The following TRHDE variants were observed in gnomAD, a reference collection of about 807,000 sequenced individuals.
TRHDE encodes thyrotropin releasing hormone degrading enzyme.
A neutral mutation model predicts 125.7 loss-of-function variants in TRHDE; 72 were observed. The observed-to-expected ratio is 0.57, with a 90% CI of 0.47 to 0.70. The LOEUF (loss-of-function observed/expected upper bound fraction) is 0.70. Ranked by LOEUF, TRHDE falls within the 30% of genes least tolerant of loss-of-function variation. The pLI is 0.00. For missense variants in TRHDE, 1,110 were observed against 1,327.1 expected (o/e 0.84, Z 2.54); for synonymous variants, 509 against 509.1 (o/e 1.00, Z 0.00).
intron 2 of TRHDE, among the ~76,000 whole-genome samples, chr12:72,327,979 T>G (rs1869416850): frequency 6.6e-6 from 1 of 152,198 alleles, no homozygotes; most frequent in South Asian, 2.1e-4. Flanking sequence ...TGTCATTGCT[T>G]GGCTTTTGTC....
intron 12 of TRHDE, among the ~76,000 whole-genome samples, chr12:72,599,014 TA>T (rs1872097710): frequency 6.6e-6 from 1 of 152,162 alleles, no homozygotes. Flanking sequence ...TTAATTCACT[TA>T]AAATAATGGC....
intron 2 of TRHDE, among the ~76,000 whole-genome samples, chr12:72,238,276 A>ATG (rs1878377253): frequency 3.6e-4 from 2 of 5,584 alleles, no homozygotes; most frequent in African/African-American, 2.0e-3. Context: ...CAGATCCTTA[A>ATG]TATATATATA....
intron 2 of TRHDE, among the ~76,000 whole-genome samples, chr12:72,194,553 G>A (rs1877401609): frequency 6.6e-6 from 1 of 152,030 alleles, no homozygotes. Flanking sequence ...TCCCCTGCTA[G>A]TAGTCCTGTT....
At position 72,666,877 on chromosome 12, in the gene TRHDE, T is replaced by G. The variant is rs1218692939; in HGVS notation, c.*3682T>G. The G allele has an allele frequency of 2.0e-5, 3 of 152,054 alleles. No individual in the cohort carries two copies. Among genetic ancestry groups the G allele is most frequent in the Non-Finnish European group, 4.4e-5 (3 of 67,962 alleles). 9.4% of individuals were successfully genotyped at this position (152,054 alleles called of 1,614,324 possible). ...TTTAATTCATTTAGTTTATTAATTA[T>G]ATTTCCTGTCTGTATCTTTTATTGA... On this transcript the variant is annotated 3_prime_UTR_variant, in exon 19 of 19. Coordinates refer to ENST00000261180, the MANE Select transcript of TRHDE (RefSeq NM_013381.3).
chr12:72,555,415 GTTC>G (rs1869874164), intron 7 of TRHDE, among the ~76,000 whole-genome samples: 1 of 151,818 alleles, frequency 6.6e-6, no homozygotes, highest in Non-Finnish European at 1.5e-5. Context: ...TTTAGTAATG[GTTC>G]TTATTATACT....
chr12:72,574,433 T>C (rs974787954), intron 10 of TRHDE, among the ~76,000 whole-genome samples: 2 of 152,108 alleles, frequency 1.3e-5, no homozygotes, highest in Non-Finnish European at 2.9e-5. Flanking sequence ...GTCAATTTTA[T>C]GTAACATGAG....
intron 6 of TRHDE, among the ~76,000 whole-genome samples, chr12:72,505,985 A>C (rs1247123533): frequency 6.6e-6 from 1 of 152,152 alleles, no homozygotes; most frequent in Non-Finnish European, 1.5e-5. Context: ...AAGGGGGAAA[A>C]AAGATGATGC....
At chr12:72,196,701 T>C (rs1388875217) in intron 2 of TRHDE, among the ~76,000 whole-genome samples, 1 of 152,110 alleles carries the variant, frequency 6.6e-6, no homozygotes, top group Non-Finnish European at 1.5e-5. Flanking sequence ...AAACTCATTA[T>C]TATTTCATCC....
intron 2 of TRHDE, among the ~76,000 whole-genome samples, chr12:72,333,068 C>G (rs117570568): frequency 6.6e-6 from 1 of 152,102 alleles, no homozygotes; most frequent in Non-Finnish European, 1.5e-5. Flanking sequence ...TATGAGGATG[C>G]GAAGGAAATA....
At chr12:72,234,699 A>G (rs1878308406) in intron 2 of TRHDE, among the ~76,000 whole-genome samples, 1 of 152,182 alleles carries the variant, frequency 6.6e-6, no homozygotes, top group Non-Finnish European at 1.5e-5. Context: ...AAAATAATGT[A>G]GTGTTATTTT....
chr12:72,241,354 T>A lies in TRHDE; in HGVS notation n.279+135602T>A, dbSNP rs1047130335. Among the ~76,000 whole-genome samples the A allele has an allele frequency of 7.2e-5, 11 of 152,220 alleles. No individual in the cohort carries two copies. In the South Asian group the frequency reaches 8.3e-4, roughly 11 times the overall value. On this transcript the variant is annotated intron_variant and non_coding_transcript_variant, in intron 2 of 4. Coordinates refer to the TRHDE transcript ENST00000548156. The stretch of plus-strand genomic sequence containing the variant: ...TGGGGACTGCTGATCTAGTTTTTTT[T>A]ACTATCATTTCATCTTTTTGTGGGT...
chr12:72,614,440 A>G (rs780587666), intron 12 of TRHDE, among the ~76,000 whole-genome samples: 2 of 151,026 alleles, frequency 1.3e-5, no homozygotes, highest in East Asian at 2.0e-4. Context: ...GGGATTTCCA[A>G]TCTGTACCGT....
At chr12:72,323,585 T>A (rs1185467140) in intron 2 of TRHDE, among the ~76,000 whole-genome samples, 3 of 152,068 alleles carry the variant, frequency 2.0e-5, no homozygotes, top group Non-Finnish European at 4.4e-5. Flanking sequence ...GTTCCACAAA[T>A]GGCTGGATTA....
intron 12 of TRHDE, among the ~76,000 whole-genome samples, chr12:72,593,131 A>G (rs1871765247): frequency 6.6e-6 from 1 of 152,202 alleles, no homozygotes; most frequent in Non-Finnish European, 1.5e-5. Flanking sequence ...TACTCACTTC[A>G]GTGTTTATGG....
chr12:72,407,038 C>T (rs1468682372), intron 3 of TRHDE, among the ~76,000 whole-genome samples: 1 of 152,140 alleles, frequency 6.6e-6, no homozygotes, highest in African/African-American at 2.4e-5. Context: ...TCAGCGTGAT[C>T]AAGGCCTTAA....
At chr12:72,396,428 A>G (rs772120477) in intron 3 of TRHDE, among the ~76,000 whole-genome samples, 12 of 152,020 alleles carry the variant, frequency 7.9e-5, no homozygotes, top group Non-Finnish European at 1.6e-4. Flanking sequence ...AGCCTATAGG[A>G]GAGTTGTTCA....
intron 2 of TRHDE, among the ~76,000 whole-genome samples, chr12:72,364,271 C>T (rs1871250858): frequency 2.0e-5 from 3 of 152,138 alleles, no homozygotes; most frequent in South Asian, 4.2e-4. Context: ...AGGACATGGA[C>T]AAGTGGCTGT....
At chr12:72,512,148 T>C (rs1247754577) in intron 6 of TRHDE, among the ~76,000 whole-genome samples, 1 of 151,950 alleles carries the variant, frequency 6.6e-6, no homozygotes, top group Non-Finnish European at 1.5e-5. Flanking sequence ...TCTCATGATA[T>C]GAGAAGCTTA....
intron 2 of TRHDE, among the ~76,000 whole-genome samples, chr12:72,267,293 C>T (rs141359836): frequency 3.3e-5 from 5 of 152,138 alleles, no homozygotes; most frequent in Non-Finnish European, 5.9e-5. Flanking sequence ...AGAGTGAACG[C>T]TAAAAAGTTT....
Sources: allele counts gnomAD v4.1 joint callset (sites outside exome capture counted in the v4.1 genomes callset), GRCh38; gene constraint gnomAD v4.1.1; transcripts MANE v1.5; gene names NCBI Gene and HGNC (gene_info 2026-07-23, HGNC 2026-07-21).